The following CUL3 variants were observed in gnomAD, a reference collection of about 807,000 sequenced individuals.
The protein encoded by CUL3 is cullin 3, also known as cullin-3.
A neutral mutation model predicts 89.1 loss-of-function variants in CUL3; 19 were observed. That is an observed-to-expected ratio of 0.21 (90% CI 0.15 to 0.31). The LOEUF (loss-of-function observed/expected upper bound fraction) is 0.31, where lower values mean the gene tolerates loss of function less well. Among genes scored for constraint, CUL3 ranks in the 10% least tolerant of loss-of-function variants. The pLI, the probability that CUL3 is intolerant of heterozygous loss-of-function variation, is 1.00. For synonymous variants in CUL3, 351 were observed against 308.4 expected (o/e 1.14, Z -1.45); for missense variants, 469 against 942.3 (o/e 0.50, Z 6.58).
chr2:224,559,852 C>A (rs559911698), intron 1 of CUL3, among the ~76,000 whole-genome samples: 1 of 152,092 alleles, frequency 6.6e-6, no homozygotes, highest in East Asian at 1.9e-4. Flanking sequence ...AAAGTCAAAG[C>A]GGGAGGATCA....
At position 224,585,012 on chromosome 2, in the gene CUL3, T is replaced by C. The variant is rs1203337015; in HGVS notation, c.-3A>G. 1.1e-5 allele frequency: 16 copies of C among 1,497,586 alleles called. No individual in the cohort carries two copies. The highest frequency in any genetic ancestry group is 2.4e-5 in the South Asian group (2 of 84,776). 92.8% of individuals were successfully genotyped at this position (1,497,586 alleles called of 1,614,324 possible). A position where few individuals can be genotyped will look rare whatever the true frequency, so the allele number is the denominator to read the frequency against. On this transcript the variant is annotated 5_prime_UTR_variant, in exon 1 of 16. Transcript: ENST00000264414. ...GTGCCTTTGCTCAGATTCGACATGG[T>C]GCTCGTCCCCTCCCCGGCGGCGGCT... is the stretch of plus-strand genomic sequence containing the variant.
rs1228412985 is a variant in CUL3, at chr2:224,485,438, G to C, written c.1843-3360C>G. 6.6e-6 allele frequency: 1 copy of C among 152,324 alleles called. No individual in the cohort carries two copies. The highest frequency in any genetic ancestry group is 6.5e-5 in the Admixed American group (1 of 15,284). 9.4% of individuals were successfully genotyped at this position (152,324 alleles called of 1,614,324 possible). On this transcript the variant is annotated intron_variant, in intron 13 of 15. Transcript: ENST00000264414. This position sits in a 1 kb window ranked among gnomAD's most constrained non-coding sequence, Gnocchi z 4.1. ...CTGGGACACTCAAGCTTGGTGGGGG[G>C]AGGGGCGTCCACCATTCCTGAGGCT...
chr2:224,516,537 G>T (rs1179094466), intron 3 of CUL3, among the ~76,000 whole-genome samples: 1 of 150,696 alleles, frequency 6.6e-6, no homozygotes, highest in African/African-American at 2.4e-5. Context: ...GGATGGTCTC[G>T]ATCTCTTGAC....
chr2:224,572,462 C>T (rs1033028396), intron 1 of CUL3, among the ~76,000 whole-genome samples: 3 of 149,150 alleles, frequency 2.0e-5, no homozygotes, highest in Non-Finnish European at 4.4e-5. Flanking sequence ...CTGGGCAACA[C>T]AGTGAAACCC....
At chr2:224,497,624 A>G in intron 12 of CUL3, 129 bp downstream of exon 12, 1 of 661,972 alleles carries the variant, frequency 1.5e-6, no homozygotes, top group Non-Finnish European at 2.5e-6. Flanking sequence ...TAGGATTTTT[A>G]ACCTTTCTAA....
intron 1 of CUL3, among the ~76,000 whole-genome samples, chr2:224,564,862 T>C (rs922476022): frequency 1.3e-5 from 2 of 152,194 alleles, no homozygotes; most frequent in African/African-American, 2.4e-5. Flanking sequence ...GCCCAAACCT[T>C]CTTCCTGTAA....
chr2:224,506,776 C>T lies in CUL3; in HGVS notation c.1029+82G>A, dbSNP rs565539610. On this transcript the variant is annotated intron_variant, in intron 7 of 15. Transcript: ENST00000264414. ...ACAATTAAGTTGAAAGTACACAATA[C>T]ACAGCATGGTAAAAGTGGCCTTTTT... is the stretch of plus-strand genomic sequence containing the variant. The T allele has an allele frequency of 1.3e-5, 16 of 1,202,544 alleles. No individual in the cohort carries two copies. The African/African-American group carries it at 2.1e-4, about 16-fold the overall frequency. The allele number at this position is 1,202,544 out of a possible 1,614,324, so 74.5% of individuals were successfully genotyped here.
chr2:224,471,785 G>A lies in CUL3; in HGVS notation c.*2460C>T. 4.4e-6 allele frequency: 1 copy of A among 227,476 alleles called. No homozygotes were observed. Among genetic ancestry groups the A allele is most frequent in the Non-Finnish European group, 8.7e-6 (1 of 114,536 alleles). 14.1% of individuals were successfully genotyped at this position (227,476 alleles called of 1,614,324 possible). On this transcript the variant is annotated 3_prime_UTR_variant, in exon 16 of 16. Coordinates refer to ENST00000264414, the MANE Select transcript of CUL3 (RefSeq NM_003590.5). ...TAAACACTGTCCTGGACTTGATAAT[G>A]AAGGCAGAGAATTACACTTTAACAG...
intron 1 of CUL3, among the ~76,000 whole-genome samples, chr2:224,565,795 C>T (rs1695028214): frequency 6.6e-6 from 1 of 152,214 alleles, no homozygotes; most frequent in Non-Finnish European, 1.5e-5. Context: ...TCACTCCTCA[C>T]TTTACCACAG....
rs1313660376 is a variant in CUL3, at chr2:224,472,083, G to GT, written c.*2161dup. 5.2e-5 allele frequency: 12 copies of GT among 229,966 alleles called. No individual in the cohort carries two copies. The East Asian group carries it at 6.8e-4, about 13-fold the overall frequency. The allele number at this position is 229,966 out of a possible 1,614,324, so 14.2% of individuals were successfully genotyped here. ...AACATATAAACATTTTGTGTGACCAGTTTTTTCAGTGCAGCATCACATCGC... is the reference window on the plus strand; with the variant it reads ...AACATATAAACATTTTGTGTGACCAGTTTTTTTCAGTGCAGCATCACATCGC... On this transcript the variant is annotated 3_prime_UTR_variant, in exon 16 of 16. Transcript: ENST00000264414.
chr2:224,547,381 A>G (rs1694344787), intron 2 of CUL3, among the ~76,000 whole-genome samples: 3 of 152,008 alleles, frequency 2.0e-5, no homozygotes, highest in Admixed American at 6.6e-5. Flanking sequence ...CCTACCTGCC[A>G]TTTTTCTCAT....
intron 2 of CUL3, among the ~76,000 whole-genome samples, chr2:224,549,230 T>A (rs930215347): frequency 6.6e-6 from 1 of 151,846 alleles, no homozygotes; most frequent in African/African-American, 2.4e-5. Flanking sequence ...GGCACGAGAT[T>A]TGCTTGAAAC....
intron 1 of CUL3, among the ~76,000 whole-genome samples, chr2:224,564,225 C>G (rs1271621049): frequency 3.3e-5 from 5 of 152,172 alleles, no homozygotes; most frequent in African/African-American, 1.2e-4. Flanking sequence ...GGAGGCTGCA[C>G]TGAGCTGACA....
rs1188438653 is a variant in CUL3 at position 224,472,965 on chromosome 2, T to C, written c.*1280A>G. 3 of 207,484 alleles carry C rather than the reference T, an allele frequency of 1.4e-5. No homozygotes were observed. The highest frequency in any genetic ancestry group is 1.6e-3 in the Middle Eastern group (1 of 638). 12.9% of individuals were successfully genotyped at this position (207,484 alleles called of 1,614,324 possible). The stretch of plus-strand genomic sequence containing the variant: ...TTTGCCCCATTACATATCTGAAACA[T>C]TGTCTTATGAAAACAAAATGAAACA... On this transcript the variant is annotated 3_prime_UTR_variant, in exon 16 of 16. Transcript: ENST00000264414.
At chr2:224,483,183 G>A (rs921434132) in intron 13 of CUL3, among the ~76,000 whole-genome samples, 17 of 152,250 alleles carry the variant, frequency 1.1e-4, no homozygotes, top group African/African-American at 3.6e-4. Context: ...TTATTAGAAT[G>A]AAGATGTTTA....
At chr2:224,551,334 T>G (rs563634400) in intron 2 of CUL3, among the ~76,000 whole-genome samples, 1 of 151,950 alleles carries the variant, frequency 6.6e-6, no homozygotes, top group Admixed American at 6.6e-5. Flanking sequence ...GCCTCCTGTG[T>G]AGCTGGGACT....
intron 9 of CUL3, 55 bp downstream of exon 9, chr2:224,503,597 C>T (rs1692480283): frequency 5.8e-6 from 8 of 1,373,116 alleles, no homozygotes; most frequent in Admixed American, 2.6e-5. Flanking sequence ...TGTCAGTACA[C>T]AATCATAATA....
chr2:224,503,736 A>G lies in CUL3; in HGVS notation c.1293T>C (p.Tyr431=), dbSNP rs767137215. The G allele has an allele frequency of 3.2e-5, 51 of 1,609,318 alleles. No homozygotes were observed. The highest frequency in any genetic ancestry group is 3.7e-5 in the Non-Finnish European group (44 of 1,178,742). ...FMQEKDVFER[Y]YKQHLARRLL... ...GTCTCCTTGCCAAGTGTTGTTTATA[A>G]TAACGTTCAAATACATCTTTTTCTT... The change falls in exon 9 of 16, where the codon TAT becomes TAC. Residue 431 remains tyrosine (Y), a synonymous_variant. Coordinates refer to ENST00000264414, the MANE Select transcript of CUL3 (RefSeq NM_003590.5).
At chr2:224,571,081 C>G (rs1695170460) in intron 1 of CUL3, among the ~76,000 whole-genome samples, 1 of 152,100 alleles carries the variant, frequency 6.6e-6, no homozygotes, top group Non-Finnish European at 1.5e-5. Flanking sequence ...AATGTAAGTA[C>G]TCTCACTGAG....
Sources: gnomAD v4.1 joint callset for allele counts (sites outside exome capture counted in the v4.1 genomes callset) on GRCh38, gnomAD v4.1.1 for gene constraint, Gnocchi (gnomAD v3.1) non-coding constraint, MANE v1.5 for transcripts, NCBI Gene and HGNC (gene_info 2026-07-23, HGNC 2026-07-21) for gene names.